Variants in SHC3 observed in about 807,000 individuals in gnomAD.
SHC3 encodes the protein SHC adaptor protein 3.
SHC3 carries 15 observed loss-of-function variants against 60.4 expected under a neutral mutation model. The ratio of observed to expected loss-of-function variants is 0.25; its 90% CI spans 0.17 to 0.38. The LOEUF (loss-of-function observed/expected upper bound fraction) is 0.38. Ranked by LOEUF, SHC3 falls within the 10% of genes least tolerant of loss-of-function variation. The pLI, the probability that SHC3 is intolerant of heterozygous loss-of-function variation, is 1.00. For missense variants in SHC3, 677 were observed against 786.1 expected, an observed-to-expected ratio of 0.86 and a Z score of 1.66; for synonymous variants, 294 against 325.9, an observed-to-expected ratio of 0.90 and a Z score of 1.05.
At chr9:89,138,622 G>T (rs567443540) in intron 1 of SHC3, among the ~76,000 whole-genome samples, 1 of 152,084 alleles carries the variant, frequency 6.6e-6, no homozygotes, top group Non-Finnish European at 1.5e-5. Context: ...ATGCCTAACC[G>T]TCTGGGAATC....
chr9:89,135,384 G>C (rs1344651452), intron 1 of SHC3, among the ~76,000 whole-genome samples: 2 of 151,904 alleles, frequency 1.3e-5, no homozygotes, highest in Non-Finnish European at 2.9e-5. Flanking sequence ...GTATTTGAGG[G>C]TACAAACCCA....
chr9:89,072,142 T>A (rs1045351718), intron 4 of SHC3, among the ~76,000 whole-genome samples: 4 of 152,204 alleles, frequency 2.6e-5, no homozygotes, highest in African/African-American at 7.2e-5. Flanking sequence ...TGCCCACAGC[T>A]CTGATACAGA....
intron 2 of SHC3, among the ~76,000 whole-genome samples, chr9:89,098,714 G>A (rs1825740491): frequency 6.6e-6 from 1 of 152,124 alleles, no homozygotes; most frequent in South Asian, 2.1e-4. Context: ...GGGAGGCTGA[G>A]GCAGGAGAAC....
chr9:89,078,540 C>G (rs1825397608), intron 2 of SHC3, among the ~76,000 whole-genome samples: 1 of 151,978 alleles, frequency 6.6e-6, no homozygotes, highest in Non-Finnish European at 1.5e-5. Context: ...GGCATGGGTC[C>G]CGGTGGAGGA....
At chr9:89,177,609 C>T (rs2118283071) in intron 1 of SHC3, among the ~76,000 whole-genome samples, 1 of 152,280 alleles carries the variant, frequency 6.6e-6, no homozygotes, top group East Asian at 1.9e-4. Flanking sequence ...CGGGGGCTGC[C>T]CAGCTCTCCC....
At chr9:89,028,059 A>G (rs752593224) in intron 11 of SHC3, among the ~76,000 whole-genome samples, 2 of 152,250 alleles carry the variant, frequency 1.3e-5, no homozygotes, top group Non-Finnish European at 2.9e-5. Context: ...TAGGAGGAGG[A>G]TGGTGACCCT....
At chr9:89,118,975 G>A (rs1043067240) in intron 1 of SHC3, among the ~76,000 whole-genome samples, 8 of 152,124 alleles carry the variant, frequency 5.3e-5, no homozygotes, top group African/African-American at 1.9e-4. Flanking sequence ...CTTTAAATAT[G>A]TATTTTTTAC....
intron 1 of SHC3, among the ~76,000 whole-genome samples, chr9:89,140,805 T>A (rs1431620256): frequency 1.3e-5 from 2 of 152,124 alleles, no homozygotes; most frequent in Non-Finnish European, 2.9e-5. Flanking sequence ...TATCTCAGGT[T>A]CTCTTATGTC....
intron 6 of SHC3, among the ~76,000 whole-genome samples, chr9:89,060,240 G>T (rs1825063455): frequency 6.6e-6 from 1 of 151,014 alleles, no homozygotes; most frequent in Non-Finnish European, 1.5e-5. Flanking sequence ...CGGTGATGGA[G>T]GACAAGGTAG....
intron 3 of SHC3, among the ~76,000 whole-genome samples, chr9:89,076,259 T>C (rs7032136): frequency 0.11 from 16,678 of 152,134 alleles, 2,374 homozygotes; most frequent in African/African-American, 0.34. Flanking sequence ...GGCCAGAACA[T>C]GGGCTGGCAC....
intron 2 of SHC3, among the ~76,000 whole-genome samples, chr9:89,081,238 C>G (rs1245195887): frequency 6.6e-6 from 1 of 152,160 alleles, no homozygotes; most frequent in Non-Finnish European, 1.5e-5. Flanking sequence ...AGGAAACTAT[C>G]AAAAGCCCAA....
At chr9:89,077,775 T>TA (rs1243041211) in intron 3 of SHC3, 65 bp downstream of exon 3, 5 of 1,575,280 alleles carry the variant, frequency 3.2e-6, no homozygotes, top group Non-Finnish European at 4.4e-6. Flanking sequence ...TGACTGAAGA[T>TA]ACCGAGTGGC....
chr9:89,066,911 G>T (rs1405378113), intron 5 of SHC3, among the ~76,000 whole-genome samples: 2 of 152,142 alleles, frequency 1.3e-5, no homozygotes, highest in South Asian at 2.1e-4. Flanking sequence ...AGGTTCAGGT[G>T]GGTGGTGCTG....
Position 89,029,999 on chromosome 9 carries a change from C to T in SHC3, c.1656+7994G>A, listed in dbSNP as rs137974882. 4.0e-3 allele frequency among the ~76,000 whole-genome samples: 610 copies of T among 151,864 alleles called. 2 individuals are homozygous for T. The highest frequency in any genetic ancestry group is 6.5e-3 in the Non-Finnish European group (444 of 67,858). On this transcript the variant is annotated intron_variant, in intron 11 of 11. Coordinates refer to ENST00000375835, the MANE Select transcript of SHC3 (RefSeq NM_016848.6). ...GATTTTCAGAGTGGCCAAAATAAAA[C>T]AAACAGATTGAAAATAAAGGAGAGA... is the stretch of plus-strand genomic sequence containing the variant.
intron 2 of SHC3, among the ~76,000 whole-genome samples, chr9:89,092,832 A>G (rs917679297): frequency 4.6e-5 from 7 of 151,946 alleles, no homozygotes; most frequent in Admixed American, 1.3e-4. Flanking sequence ...TTTTCTTTCT[A>G]TACCTTTATC....
chr9:89,062,158 C>G (rs760376731), intron 6 of SHC3, among the ~76,000 whole-genome samples: 5 of 152,142 alleles, frequency 3.3e-5, no homozygotes, highest in Non-Finnish European at 7.3e-5. Context: ...TTGGAACTGT[C>G]TAATATATAC....
intron 2 of SHC3, among the ~76,000 whole-genome samples, chr9:89,097,008 G>A (rs1825712432): frequency 4.0e-5 from 6 of 151,244 alleles, no homozygotes; most frequent in Admixed American, 1.3e-4. Context: ...CAGAGAGGGC[G>A]CTGCAGACAC....
rs1222069232 is a variant in SHC3 at position 89,046,962 on chromosome 9, T to A, written c.995A>T (p.Glu332Val). ...TGGGTGGTCTGAGCCATCTCCCTCC[T>A]CTTCCGTCCATGGCTCATCCAGACT... ...MQSLDEPWTE[E>V]EGDGSDHPYY... The change falls in exon 8 of 12, where the codon GAG becomes GTG. Residue 332 changes from glutamate to valine, a missense_variant. Physicochemically the swap from Glu to Val is moderately radical, Grantham distance 121. Transcript: ENST00000375835. 6.2e-7 allele frequency: 1 copy of A among 1,609,202 alleles called. No homozygotes were observed. The highest frequency in any genetic ancestry group is 1.3e-5 in the African/African-American group (1 of 74,878).
rs75241722 is a variant in SHC3, at chr9:89,069,428, A to T, written c.783+1771T>A. ...AAAGAAAGGAAAGGCATAGCAAGGG[A>T]AGGGAAGAAAAAAAAGAAGAGAAAG... On this transcript the variant is annotated intron_variant, in intron 5 of 11. Coordinates refer to ENST00000375835, the MANE Select transcript of SHC3 (RefSeq NM_016848.6). 5.6e-3 allele frequency among the ~76,000 whole-genome samples: 857 copies of T among 152,316 alleles called. 7 individuals carry two copies. The highest frequency in any genetic ancestry group is 0.02 in the African/African-American group (823 of 41,564).
Sources: allele counts gnomAD v4.1 joint callset (sites outside exome capture counted in the v4.1 genomes callset), GRCh38; gene constraint gnomAD v4.1.1; transcripts MANE v1.5; gene names NCBI Gene and HGNC (gene_info 2026-07-23, HGNC 2026-07-21).